Variants in PTPRD observed in about 807,000 individuals in gnomAD.
The protein encoded by PTPRD is protein tyrosine phosphatase receptor type D.
A neutral mutation model predicts 214.5 loss-of-function variants in PTPRD; 34 were observed. The ratio of observed to expected loss-of-function variants is 0.16; its 90% CI spans 0.12 to 0.21. The LOEUF (loss-of-function observed/expected upper bound fraction) is 0.21. Among genes scored for constraint, PTPRD ranks in the 10% least tolerant of loss-of-function variants. The probability of loss-of-function intolerance (pLI) is 1.00; values close to 1 mark genes in which losing one functional copy is unlikely to be tolerated. For synonymous variants in PTPRD, 1,128 were observed against 845.7 expected (o/e 1.33, Z -5.79); for missense variants, 2,545 against 2,398.7 (o/e 1.06, Z -1.27).
chr9:9,270,094 C>T (rs1261753890), intron 9 of PTPRD, among the ~76,000 whole-genome samples: 1 of 150,848 alleles, frequency 6.6e-6, no homozygotes, highest in Non-Finnish European at 1.5e-5. Context: ...TCACCATATA[C>T]AAAAAGGTAA....
intron 2 of PTPRD, among the ~76,000 whole-genome samples, chr9:10,435,920 A>T (rs980190203): frequency 1.3e-5 from 2 of 151,834 alleles, no homozygotes; most frequent in Admixed American, 1.3e-4. Flanking sequence ...TCATGTTTTC[A>T]GACCTTTAAA....
At chr9:8,550,113 A>T (rs1318157706) in intron 14 of PTPRD, among the ~76,000 whole-genome samples, 2 of 152,214 alleles carry the variant, frequency 1.3e-5, no homozygotes, top group African/African-American at 4.8e-5. Context: ...GTATTCCCCA[A>T]GAATTTGAAA....
intron 2 of PTPRD, among the ~76,000 whole-genome samples, chr9:10,605,489 C>G (rs542474389): frequency 6.6e-6 from 1 of 151,710 alleles, no homozygotes; most frequent in East Asian, 1.9e-4. Flanking sequence ...AAGGAATTAG[C>G]ACTGGAGTGA....
chr9:9,268,326 T>C (rs949328854), intron 9 of PTPRD, among the ~76,000 whole-genome samples: 2 of 150,582 alleles, frequency 1.3e-5, no homozygotes, highest in African/African-American at 4.9e-5. Flanking sequence ...AAGATCTGTA[T>C]AATGAAAATA....
chr9:8,321,496 T>C (rs1431834327), intron 44 of PTPRD, among the ~76,000 whole-genome samples: 2 of 76,348 alleles, frequency 2.6e-5, no homozygotes, highest in African/African-American at 9.3e-5. Flanking sequence ...TGTATATATA[T>C]ATATATATAT....
At chr9:10,186,703 C>T (rs2099331927) in intron 3 of PTPRD, among the ~76,000 whole-genome samples, 1 of 152,092 alleles carries the variant, frequency 6.6e-6, no homozygotes, top group African/African-American at 2.4e-5. Context: ...AAGTACACTA[C>T]TCAAAATGGC....
intron 8 of PTPRD, among the ~76,000 whole-genome samples, chr9:9,516,088 T>G (rs1373783622): frequency 6.6e-6 from 1 of 152,174 alleles, no homozygotes; most frequent in Non-Finnish European, 1.5e-5. Context: ...TGGGATAATT[T>G]TGAGTATACT....
chr9:8,967,327 AC>A (rs763821612), intron 11 of PTPRD, among the ~76,000 whole-genome samples: 14 of 151,924 alleles, frequency 9.2e-5, no homozygotes, highest in Admixed American at 2.6e-4. Context: ...AAATCATCCT[AC>A]TAAATGGAAA....
chr9:10,599,023 G>C (rs1483991100), intron 2 of PTPRD, among the ~76,000 whole-genome samples: 1 of 151,622 alleles, frequency 6.6e-6, no homozygotes, highest in African/African-American at 2.4e-5. Context: ...ACATTTCCCA[G>C]CTTCACGTGC....
chr9:8,665,242 T>C (rs923366276), intron 12 of PTPRD, among the ~76,000 whole-genome samples: 3 of 152,278 alleles, frequency 2.0e-5, no homozygotes, highest in Admixed American at 1.3e-4. Context: ...AGCTAGCCAT[T>C]GTGTCCCCAC....
At chr9:8,600,666 G>A (rs188182988) in intron 14 of PTPRD, among the ~76,000 whole-genome samples, 6 of 151,864 alleles carry the variant, frequency 4.0e-5, no homozygotes, top group East Asian at 2.0e-4. Context: ...TGGCCAGAAG[G>A]GAACCTGCTG....
At chr9:8,367,503 C>A (rs2080252006) in intron 39 of PTPRD, among the ~76,000 whole-genome samples, 1 of 152,036 alleles carries the variant, frequency 6.6e-6, no homozygotes, top group Non-Finnish European at 1.5e-5. Context: ...TCTAAAATGT[C>A]CAAACTGCTG....
chr9:10,611,745 T>C (rs1252655198), intron 2 of PTPRD, among the ~76,000 whole-genome samples: 1 of 152,188 alleles, frequency 6.6e-6, no homozygotes. Context: ...CTCTCCAAAG[T>C]ATTTTTCACA....
At chr9:9,819,497 T>C (rs527599006) in intron 5 of PTPRD, among the ~76,000 whole-genome samples, 90 of 152,334 alleles carry the variant, frequency 5.9e-4, no homozygotes, top group Non-Finnish European at 1.2e-3. Flanking sequence ...GTGAAGTTTT[T>C]ATTGAAATAA....
At chr9:9,593,104 G>T (rs2092911545) in intron 7 of PTPRD, among the ~76,000 whole-genome samples, 1 of 146,000 alleles carries the variant, frequency 6.8e-6, no homozygotes, top group Non-Finnish European at 1.5e-5. Flanking sequence ...AAGACAGAGA[G>T]AGAGAAAGGA....
chr9:9,906,358 C>T (rs1283087606), intron 5 of PTPRD, among the ~76,000 whole-genome samples: 1 of 151,896 alleles, frequency 6.6e-6, no homozygotes, highest in Non-Finnish European at 1.5e-5. Flanking sequence ...TCACTCTATA[C>T]TCAATTGTTA....
chr9:10,114,071 T>C (rs1020570247), intron 3 of PTPRD, among the ~76,000 whole-genome samples: 1 of 152,208 alleles, frequency 6.6e-6, no homozygotes, highest in Non-Finnish European at 1.5e-5. Flanking sequence ...CTGATGCAGA[T>C]GGTTCTCAGT....
At chr9:8,745,691 T>C (rs956619789) in intron 11 of PTPRD, among the ~76,000 whole-genome samples, 2 of 152,180 alleles carry the variant, frequency 1.3e-5, no homozygotes, top group Non-Finnish European at 2.9e-5. Flanking sequence ...ATTCTCACGT[T>C]TGTAATTGAA....
At chr9:9,374,831 T>A (rs2060372303) in intron 9 of PTPRD, among the ~76,000 whole-genome samples, 1 of 152,186 alleles carries the variant, frequency 6.6e-6, no homozygotes, top group Admixed American at 6.6e-5. Flanking sequence ...TCAAGTCTCC[T>A]AAATGCTCTC....
Sources: allele counts gnomAD v4.1 joint callset (sites outside exome capture counted in the v4.1 genomes callset), GRCh38; gene constraint gnomAD v4.1.1; transcripts MANE v1.5; gene names NCBI Gene and HGNC (gene_info 2026-07-23, HGNC 2026-07-21).